Variants in DENND5B observed in about 807,000 individuals in gnomAD.
DENND5B encodes the protein DENN domain-containing protein 5B.
In DENND5B, 34 loss-of-function variants were observed where a neutral mutation model predicts 140.6. That is an observed-to-expected ratio of 0.24 (90% CI 0.18 to 0.32). DENND5B has a LOEUF of 0.32. Among genes scored for constraint, DENND5B ranks in the 10% least tolerant of loss-of-function variants. The pLI is 1.00. For missense variants in DENND5B, 1,142 were observed against 1,560.2 expected, an observed-to-expected ratio of 0.73 and a Z score of 4.52; for synonymous variants, 551 against 562.1, an observed-to-expected ratio of 0.98 and a Z score of 0.28.
At chr12:31,388,182 A>T (rs1282851700) in intron 20 of DENND5B, among the ~76,000 whole-genome samples, 6 of 144,770 alleles carry the variant, frequency 4.1e-5, no homozygotes, top group Non-Finnish European at 6.0e-5. Flanking sequence ...GCCACAGTAT[A>T]CTGACCTTTT....
At chr12:31,538,605 G>A (rs879593973) in intron 1 of DENND5B, among the ~76,000 whole-genome samples, 59 of 152,246 alleles carry the variant, frequency 3.9e-4, no homozygotes, top group Non-Finnish European at 4.3e-4. Flanking sequence ...AGTGGCTCAC[G>A]CCTGTAATCC....
chr12:31,402,642 C>G lies in DENND5B; in HGVS notation c.2805G>C (p.Met935Ile). The G allele has an allele frequency of 6.3e-7, 1 of 1,589,504 alleles. No homozygotes were observed. The highest frequency in any genetic ancestry group is 1.2e-5 in the South Asian group (1 of 85,058). Residue 935 changes from methionine to isoleucine, a missense_variant and splice_region_variant, in exon 15 of 21, where the codon ATG (methionine) becomes ATC (isoleucine). Physicochemically the swap from Met to Ile is conservative, Grantham distance 10. Transcript: ENST00000389082. The part of the protein sequence containing the change: ...FCFTSVFTTI[M>I]IPYRSVIIPI... ...GGATGATCACTGACCTATACGGAATCACTGAAAGAAAAATGCAGAAATTAA... is the reference window on the plus strand; with the variant it reads ...GGATGATCACTGACCTATACGGAATGACTGAAAGAAAAATGCAGAAATTAA...
intron 2 of DENND5B, among the ~76,000 whole-genome samples, chr12:31,485,874 A>G (rs1946286518): frequency 6.6e-6 from 1 of 152,204 alleles, no homozygotes; most frequent in South Asian, 2.1e-4. Context: ...AGACAGAAGG[A>G]GCCCTAGCTA....
intron 13 of DENND5B, 145 bp downstream of exon 13, chr12:31,413,291 A>T: frequency 9.7e-7 from 1 of 1,028,942 alleles, no homozygotes; most frequent in Non-Finnish European, 1.3e-6. Flanking sequence ...ACAGTTTTCA[A>T]AGCACACGCC....
At chr12:31,470,283 T>G (rs910633837) in intron 3 of DENND5B, among the ~76,000 whole-genome samples, 1 of 151,896 alleles carries the variant, frequency 6.6e-6, no homozygotes, top group Non-Finnish European at 1.5e-5. Context: ...CCTGGGTAAC[T>G]CTGTATTTTT....
intron 1 of DENND5B, among the ~76,000 whole-genome samples, chr12:31,547,610 C>A (rs1317622149): frequency 6.6e-6 from 1 of 152,086 alleles, no homozygotes; most frequent in African/African-American, 2.4e-5. Flanking sequence ...ATTGGTCAGG[C>A]TGGTCTTGAA....
chr12:31,424,124 GAAGA>G (rs964945669), intron 10 of DENND5B, among the ~76,000 whole-genome samples: 53 of 152,222 alleles, frequency 3.5e-4, no homozygotes, highest in Middle Eastern at 3.4e-3. Context: ...AAAAAGGGAA[GAAGA>G]AAGAAACATG....
At chr12:31,470,411 G>A (rs1410549794) in intron 3 of DENND5B, among the ~76,000 whole-genome samples, 2 of 151,834 alleles carry the variant, frequency 1.3e-5, no homozygotes, top group African/African-American at 4.8e-5. Flanking sequence ...ACTGTGCCCG[G>A]CCTTATTTTT....
intron 11 of DENND5B, among the ~76,000 whole-genome samples, chr12:31,423,209 G>A (rs1425827321): frequency 6.6e-6 from 1 of 151,966 alleles, no homozygotes; most frequent in African/African-American, 2.4e-5. Context: ...CTAAAGTGGT[G>A]GGATTACAGG....
intron 1 of DENND5B, among the ~76,000 whole-genome samples, chr12:31,573,894 G>A (rs975768268): frequency 2.0e-5 from 3 of 151,692 alleles, no homozygotes; most frequent in Non-Finnish European, 4.4e-5. Context: ...GGTTGAGGCT[G>A]TAGTGAGCTA....
intron 1 of DENND5B, among the ~76,000 whole-genome samples, chr12:31,551,971 C>T (rs1259391): frequency 0.09 from 12,204 of 134,990 alleles, 1,060 homozygotes; most frequent in African/African-American, 0.24. Context: ...TGGGCTGAGA[C>T]GATGGGGTTT....
At position 31,387,579 on chromosome 12, in the gene DENND5B, A is replaced by C. The variant is rs772522881; in HGVS notation, c.*24T>G. 6.2e-7 allele frequency: 1 copy of C among 1,606,926 alleles called. No homozygotes were observed. Among genetic ancestry groups the C allele is most frequent in the Admixed American group, 1.7e-5 (1 of 59,770 alleles). ...TAGTTGGGGAAGGAGCAAGGTTTGG[A>C]CTGAGAGTTTCTAGCCAGTTGGGTT... On this transcript the variant is annotated 3_prime_UTR_variant, in exon 21 of 21. Coordinates refer to ENST00000389082, the MANE Select transcript of DENND5B (RefSeq NM_144973.4).
chr12:31,574,329 C>G (rs1387973255), intron 1 of DENND5B, among the ~76,000 whole-genome samples: 1 of 141,898 alleles, frequency 7.0e-6, no homozygotes, highest in East Asian at 2.2e-4. Flanking sequence ...GCGGTGGCTC[C>G]CTGTAATCCC....
At chr12:31,465,542 ATT>A (rs1185235933) in intron 3 of DENND5B, 1 of 151,988 alleles carries the variant, frequency 6.6e-6, no homozygotes, top group Non-Finnish European at 1.5e-5. Context: ...TAATTTTTGT[ATT>A]TTTGTAGAGA....
At chr12:31,445,955 G>A (rs1376152855) in intron 6 of DENND5B, among the ~76,000 whole-genome samples, 1 of 151,186 alleles carries the variant, frequency 6.6e-6, no homozygotes, top group African/African-American at 2.4e-5. Flanking sequence ...GCTGCAGTGA[G>A]CCATGATGGC....
chr12:31,529,628 C>T (rs1948211018), intron 1 of DENND5B, among the ~76,000 whole-genome samples: 1 of 151,970 alleles, frequency 6.6e-6, no homozygotes, highest in African/African-American at 2.4e-5. Flanking sequence ...AGTTCGAAAC[C>T]AGCCCGGGCA....
chr12:31,447,022 A>T (rs751637065), intron 6 of DENND5B, among the ~76,000 whole-genome samples: 4 of 152,228 alleles, frequency 2.6e-5, no homozygotes, highest in Non-Finnish European at 4.4e-5. Context: ...CTGTAATCCC[A>T]GCACTTTGGG....
At position 31,447,684 on chromosome 12, in the gene DENND5B, T is replaced by C. The variant is rs747777028; in HGVS notation, c.1715A>G (p.Asp572Gly). Residue 572 changes from aspartate (D) to glycine (G), a missense_variant, in exon 6 of 21, where the codon GAT (aspartate) becomes GGT (glycine). Asp to Gly is a moderately conservative substitution (Grantham distance 94, BLOSUM62 -1). Coordinates refer to ENST00000389082, the MANE Select transcript of DENND5B (RefSeq NM_144973.4). ...TTCCCACTGAGACATAATTTTATTA[T>C]CAATAAAGGTGGCAAACATCTGTGT... is the stretch of plus-strand genomic sequence containing the variant. Reference protein sequence around the residue: ...IETQMFATFIDNKIMSQWEEK... With the variant: ...IETQMFATFIGNKIMSQWEEK... 1.9e-6 allele frequency: 3 copies of C among 1,613,104 alleles called. No homozygotes were observed. Among genetic ancestry groups the C allele is most frequent in the Non-Finnish European group, 2.5e-6 (3 of 1,179,550 alleles).
At position 31,471,454 on chromosome 12, in the gene DENND5B, T is replaced by C. The variant is rs570046817; in HGVS notation, c.904+8135A>G. 2.2e-3 allele frequency among the ~76,000 whole-genome samples: 315 copies of C among 142,150 alleles called. 1 individual carries two copies. The highest frequency in any genetic ancestry group is 3.2e-3 in the Non-Finnish European group (211 of 66,748). 93.3% of individuals were successfully genotyped at this position (142,150 alleles called of 152,430 possible). A position where few individuals can be genotyped will look rare whatever the true frequency, so the allele number is the denominator to read the frequency against. ...CTGAGATTACAATCGCACACCACCA[T>C]GCCTGTATTTTTTTTTTTTTTTTTT... On this transcript the variant is annotated intron_variant, in intron 3 of 20. Transcript: ENST00000389082.
Sources: allele counts gnomAD v4.1 joint callset (sites outside exome capture counted in the v4.1 genomes callset), GRCh38; gene constraint gnomAD v4.1.1; transcripts MANE v1.5; gene names NCBI Gene and HGNC (gene_info 2026-07-23, HGNC 2026-07-21).